Variants in THOP1 observed in about 807,000 individuals in gnomAD.
The protein encoded by THOP1 is thimet oligopeptidase.
In THOP1, 49 loss-of-function variants were observed where a neutral mutation model predicts 71.8. The observed-to-expected ratio is 0.68, with a 90% CI of 0.54 to 0.87. THOP1 has a LOEUF of 0.87. Ranked by LOEUF, THOP1 falls within the 40% of genes least tolerant of loss-of-function variation. The pLI is 0.00. For missense variants in THOP1, 843 were observed against 975.6 expected, an observed-to-expected ratio of 0.86 and a Z score of 1.81; for synonymous variants, 426 against 421.5, an observed-to-expected ratio of 1.01 and a Z score of -0.13.
chr19:2,790,755 G>A (rs1229751159), intron 2 of THOP1, 122 bp downstream of exon 2: 9 of 907,104 alleles, frequency 9.9e-6, no homozygotes, highest in Non-Finnish European at 1.1e-5. Flanking sequence ...CCAGCACCCT[G>A]CCCCTGAGCA....
chr19:2,789,643 T>C (rs535781527), intron 1 of THOP1, among the ~76,000 whole-genome samples: 7 of 152,320 alleles, frequency 4.6e-5, no homozygotes, highest in African/African-American at 1.7e-4. Context: ...CCCTCTGGCA[T>C]GGCAGGAGTT....
rs1916252114 is a variant in THOP1 at position 2,804,906 on chromosome 19, C to T, written c.590-110C>T. ...CAGGCTGCAGCTGCTCGCTGAGGGC[C>T]CCCTTGTAGCTTTCCAGGCAGAGGG... On this transcript the variant is annotated intron_variant, in intron 5 of 12. Transcript: ENST00000307741. The surrounding 1 kb of genome is among the most constrained non-coding windows in gnomAD (Gnocchi z 4.7). The T allele has an allele frequency of 3.5e-6, 4 of 1,131,316 alleles. No homozygotes were observed. The highest frequency in any genetic ancestry group is 4.9e-6 in the Non-Finnish European group (4 of 821,044). 70.1% of individuals were successfully genotyped at this position (1,131,316 alleles called of 1,614,324 possible).
rs1034940925 is a variant in THOP1, at chr19:2,810,117, G to A, written c.1456-187G>A. On this transcript the variant is annotated intron_variant, in intron 9 of 12. Coordinates refer to ENST00000307741, the MANE Select transcript of THOP1 (RefSeq NM_003249.5). ...TCTTCAGGTGTGTCCTGCTGCCACC[G>A]GCAGCCAGCAGCAGCCCAGGGGCCT... 39 of 705,022 alleles carry A rather than the reference G, an allele frequency of 5.5e-5. 1 individual carries two copies. Among genetic ancestry groups the A allele is most frequent in the Middle Eastern group, 4.1e-4 (1 of 2,454 alleles). The allele number at this position is 705,022 out of a possible 1,614,324, so 43.7% of individuals were successfully genotyped here.
rs946740951 is a variant in THOP1, at chr19:2,813,504, C to T, written c.*228C>T. ...GCTTTCGTGGCTGCCAGGGCCTGGT[C>T]TTTGTTGCACTAACACGTCTCCTCT... is the stretch of plus-strand genomic sequence containing the variant. On this transcript the variant is annotated 3_prime_UTR_variant, in exon 13 of 13. Coordinates refer to ENST00000307741, the MANE Select transcript of THOP1 (RefSeq NM_003249.5). The T allele has an allele frequency of 5.3e-5, 28 of 531,976 alleles. No individual in the cohort carries two copies. The highest frequency in any genetic ancestry group is 4.9e-4 in the African/African-American group (26 of 52,856). The allele number at this position is 531,976 out of a possible 1,614,324, so 33.0% of individuals were successfully genotyped here.
At chr19:2,796,042 C>A in intron 3 of THOP1, 39 bp from the exon 4 acceptor site, 1 of 1,549,942 alleles carries the variant, frequency 6.5e-7, no homozygotes, top group Non-Finnish European at 8.9e-7. Context: ...AGCGGCTGCA[C>A]TGGCCCACGT....
chr19:2,805,038 G>A lies in THOP1; in HGVS notation c.612G>A (p.Leu204=). The A allele has an allele frequency of 1.2e-6, 2 of 1,612,544 alleles. No homozygotes were observed. Among genetic ancestry groups the A allele is most frequent in the Non-Finnish European group, 1.7e-6 (2 of 1,179,678 alleles). The part of the protein sequence containing the change: ...QELGGLPEDF[L]NSLEKMEDGK... Reference sequence around the variant, plus strand: ...TAGGAGGGCTCCCCGAGGACTTTCTGAACTCCCTGGAGAAGATGGAGGACG... The same window carrying A: ...TAGGAGGGCTCCCCGAGGACTTTCTAAACTCCCTGGAGAAGATGGAGGACG... Residue 204 remains leucine (L), a synonymous_variant, in exon 6 of 13, where the codon CTG becomes CTA. Transcript: ENST00000307741. The surrounding 1 kb of genome is among the most constrained non-coding windows in gnomAD (Gnocchi z 6.6).
intron 5 of THOP1, among the ~76,000 whole-genome samples, chr19:2,802,545 CCCGACACCAACACCTT>C (rs1484823753): frequency 0.023 from 3,381 of 147,554 alleles, 123 homozygotes; most frequent in African/African-American, 0.083. Context: ...ACCAACACCT[CCCGACACCAACACCTT>C]CCGACACCCC....
chr19:2,793,294 T>C (rs1915927364), intron 2 of THOP1, among the ~76,000 whole-genome samples: 1 of 152,194 alleles, frequency 6.6e-6, no homozygotes, highest in Admixed American at 6.5e-5. Flanking sequence ...AGAGAAATTT[T>C]ATACCCTTAA....
intron 2 of THOP1, among the ~76,000 whole-genome samples, chr19:2,794,042 C>T (rs1358769352): frequency 7.4e-5 from 11 of 149,026 alleles, no homozygotes; most frequent in Non-Finnish European, 1.5e-4. Flanking sequence ...TGAGATGGAG[C>T]CTCACTCTGT....
rs1460669487 is a variant in THOP1, at chr19:2,812,970, C to T, written c.1909-145C>T. 1.5e-5 allele frequency: 13 copies of T among 892,978 alleles called. No individual in the cohort carries two copies. In the East Asian group the frequency reaches 3.5e-4, roughly 24 times the overall value. 55.3% of individuals were successfully genotyped at this position (892,978 alleles called of 1,614,324 possible). A position where few individuals can be genotyped will look rare whatever the true frequency, so the allele number is the denominator to read the frequency against. ...AGGCACCTGCGCTCTCCCACCTGTG[C>T]TGATGCAGGCGGCCCCCGGGCCTCC... On this transcript the variant is annotated intron_variant, in intron 12 of 12. Coordinates refer to ENST00000307741, the MANE Select transcript of THOP1 (RefSeq NM_003249.5).
chr19:2,794,844 A>G lies in THOP1; in HGVS notation c.310A>G (p.Lys104Glu). The change falls in exon 3 of 13, where the codon AAG (lysine) becomes GAG (glutamate). Residue 104 changes from lysine (K) to glutamate (E), a missense_variant. Transcript: ENST00000307741. ...GACAGCCAGCACAGAGGCCGACAAG[A>G]AGCTCTCTGAGTTCGACGTGGAGAT... ...IRTASTEADK[K>E]LSEFDVEMSM... 1 of 1,613,952 alleles carries G rather than the reference A, an allele frequency of 6.2e-7. No homozygotes were observed. Among genetic ancestry groups the G allele is most frequent in the Non-Finnish European group, 8.5e-7 (1 of 1,179,960 alleles).
At position 2,813,725 on chromosome 19, in the gene THOP1, G is replaced by A. The variant is rs1916546169; in HGVS notation, c.*449G>A. ...GCCCTGGATTGGGGCTCAGGTCCTTGTGGGGGCGGGGGGTGGGGGAGTAAA... is the reference window on the plus strand; with the variant it reads ...GCCCTGGATTGGGGCTCAGGTCCTTATGGGGGCGGGGGGTGGGGGAGTAAA... On this transcript the variant is annotated 3_prime_UTR_variant, in exon 13 of 13. Coordinates refer to ENST00000307741, the MANE Select transcript of THOP1 (RefSeq NM_003249.5). 7.4e-6 allele frequency: 1 copy of A among 135,926 alleles called. No individual in the cohort carries two copies. Among genetic ancestry groups the A allele is most frequent in the South Asian group, 2.7e-4 (1 of 3,698 alleles). The allele number at this position is 135,926 out of a possible 1,614,324, so 8.4% of individuals were successfully genotyped here. A position where few individuals can be genotyped will look rare whatever the true frequency, so the allele number is the denominator to read the frequency against.
At chr19:2,808,197 C>A (rs534194968) in intron 8 of THOP1, 46 bp from the exon 9 acceptor site, 1 of 1,523,910 alleles carries the variant, frequency 6.6e-7, no homozygotes, top group African/African-American at 1.4e-5. Context: ...GGGACTCTTG[C>A]GGTGTCTCTA....
chr19:2,786,703 G>T lies in THOP1; in HGVS notation c.16+1025G>T, dbSNP rs559989574. ...CGCAACCTCCGCCTCCCGGGTTCAAGCTATGCTGCTTCAGCCTCCCAAGCA... is the reference window on the plus strand; with the variant it reads ...CGCAACCTCCGCCTCCCGGGTTCAATCTATGCTGCTTCAGCCTCCCAAGCA... On this transcript the variant is annotated intron_variant, in intron 1 of 12. Transcript: ENST00000307741. 5.9e-5 allele frequency among the ~76,000 whole-genome samples: 9 copies of T among 151,286 alleles called. No homozygotes were observed. In the East Asian group the frequency reaches 1.7e-3, roughly 29 times the overall value.
At chr19:2,800,518 C>T (rs987525987) in intron 5 of THOP1, among the ~76,000 whole-genome samples, 3 of 152,270 alleles carry the variant, frequency 2.0e-5, no homozygotes, top group African/African-American at 7.2e-5. Flanking sequence ...TAGAATATAA[C>T]CTCCAGTTCT....
rs565730723 is a variant in THOP1 at position 2,813,485 on chromosome 19, G to A, written c.*209G>A. On this transcript the variant is annotated 3_prime_UTR_variant, in exon 13 of 13. Transcript: ENST00000307741. ...TCCTCAAGGCATCTGGAGGGCTTTC[G>A]TGGCTGCCAGGGCCTGGTCTTTGTT... 6 of 584,812 alleles carry A rather than the reference G, an allele frequency of 1.0e-5. No individual in the cohort carries two copies. The highest frequency in any genetic ancestry group is 5.1e-5 in the South Asian group (2 of 39,034). The allele number at this position is 584,812 out of a possible 1,614,324, so 36.2% of individuals were successfully genotyped here.
chr19:2,793,869 G>A (rs1378365413), intron 2 of THOP1, among the ~76,000 whole-genome samples: 2 of 152,132 alleles, frequency 1.3e-5, no homozygotes, highest in East Asian at 1.9e-4. Flanking sequence ...ACTCGTGGAT[G>A]GACCTTTTGT....
chr19:2,788,774 C>T (rs189263938), intron 1 of THOP1, among the ~76,000 whole-genome samples: 8 of 150,482 alleles, frequency 5.3e-5, no homozygotes, highest in African/African-American at 2.0e-4. Flanking sequence ...CCACAGCATC[C>T]GGCCAAGATG....
At chr19:2,811,461 G>A in intron 11 of THOP1, 137 bp from the exon 12 acceptor site, 1 of 1,207,610 alleles carries the variant, frequency 8.3e-7, no homozygotes, top group South Asian at 1.6e-5. Flanking sequence ...TATCCAGCTG[G>A]TCTCGGCCCT....
Sources: allele counts gnomAD v4.1 joint callset (sites outside exome capture counted in the v4.1 genomes callset), GRCh38; gene constraint gnomAD v4.1.1; non-coding constraint Gnocchi (gnomAD v3.1); transcripts MANE v1.5; gene names NCBI Gene and HGNC (gene_info 2026-07-23, HGNC 2026-07-21).